Variants in NLRP1 observed in about 807,000 individuals in gnomAD.
NLRP1 encodes NACHT, LRR and PYD domains-containing protein 1.
Under a neutral mutation model 136.7 loss-of-function variants are expected in NLRP1, and 94 were observed. The ratio of observed to expected loss-of-function variants is 0.69; its 90% CI spans 0.58 to 0.82. The LOEUF is 0.82. Among genes scored for constraint, NLRP1 ranks in the 40% least tolerant of loss-of-function variants. NLRP1 has a pLI of 0.00. For missense variants in NLRP1, 1,575 were observed against 1,802.7 expected (o/e 0.87, Z 2.29); for synonymous variants, 690 against 725.1 (o/e 0.95, Z 0.78).
downstream of NLRP1, among the ~76,000 whole-genome samples, chr17:5,513,849 T>C (rs1272685621): frequency 1.3e-5 from 2 of 152,202 alleles, no homozygotes; most frequent in African/African-American, 4.8e-5. Context: ...GAAAGGGACC[T>C]CCGGTTGTCC....
At chr17:5,508,949 T>C (rs1271589131) in intron 15 of NLRP1, among the ~76,000 whole-genome samples, 1 of 152,178 alleles carries the variant, frequency 6.6e-6, no homozygotes, top group African/African-American at 2.4e-5. Context: ...GCCAAAAAAA[T>C]CTAAGTAATG....
At chr17:5,572,019 G>C (rs559084639) in intron 3 of NLRP1, among the ~76,000 whole-genome samples, 1 of 152,068 alleles carries the variant, frequency 6.6e-6, no homozygotes, top group Non-Finnish European at 1.5e-5. Context: ...TATTCAATAC[G>C]TGATGCTGAG....
chr17:5,578,698 T>C (rs1174422234), intron 3 of NLRP1, among the ~76,000 whole-genome samples: 1 of 152,204 alleles, frequency 6.6e-6, no homozygotes, highest in Non-Finnish European at 1.5e-5. Flanking sequence ...TGGAAGACAG[T>C]GTGGCAATTC....
chr17:5,535,876 T>C (rs1910981571), intron 8 of NLRP1, among the ~76,000 whole-genome samples: 1 of 152,200 alleles, frequency 6.6e-6, no homozygotes. Flanking sequence ...GAAGATGGAC[T>C]TTCCTGGCCC....
intron 5 of NLRP1, among the ~76,000 whole-genome samples, chr17:5,542,314 G>A (rs531500317): frequency 4.6e-5 from 7 of 152,220 alleles, no homozygotes; most frequent in Admixed American, 3.9e-4. Context: ...TGGGGACTTG[G>A]ATCCTCATCA....
chr17:5,550,819 C>G (rs1913260623), intron 5 of NLRP1, among the ~76,000 whole-genome samples: 1 of 152,134 alleles, frequency 6.6e-6, no homozygotes, highest in Admixed American at 6.5e-5. Context: ...GTTTAGGTTA[C>G]TTATTTGAGA....
chr17:5,577,421 G>T (rs1905132127), intron 3 of NLRP1, among the ~76,000 whole-genome samples: 1 of 152,170 alleles, frequency 6.6e-6, no homozygotes, highest in Non-Finnish European at 1.5e-5. Flanking sequence ...GAAGTCTCAG[G>T]ATACAAAATC....
intron 13 of NLRP1, 108 bp downstream of exon 13, chr17:5,521,416 G>T (rs1302665505): frequency 5.2e-6 from 6 of 1,163,242 alleles, no homozygotes; most frequent in Non-Finnish European, 7.4e-6. Context: ...TCCTGTACAA[G>T]AGGCCCATCC....
Position 5,533,358 on chromosome 17 carries a change from C to T in NLRP1, c.3079G>A (p.Ala1027Thr). Residue 1027 changes from alanine to threonine, a missense_variant, in exon 10 of 17, where the codon GCT (alanine) becomes ACT (threonine). Transcript: ENST00000572272. The stretch of plus-strand genomic sequence containing the variant: ...CTCACGTCCAGGAGTTTGAGATTAG[C>T]CTGAGCAACATGGGAAGCCGCCCTC... ...SERAASHVAQANLKLLDVSKI... is the reference protein window; with the variant it reads ...SERAASHVAQTNLKLLDVSKI... The T allele has an allele frequency of 7.3e-7, 1 of 1,378,250 alleles. No individual in the cohort carries two copies. Among genetic ancestry groups the T allele is most frequent in the Non-Finnish European group, 1.0e-6 (1 of 988,934 alleles). 85.4% of individuals were successfully genotyped at this position (1,378,250 alleles called of 1,614,324 possible). A position where few individuals can be genotyped will look rare whatever the true frequency, so the allele number is the denominator to read the frequency against.
chr17:5,530,004 G>C, intron 12 of NLRP1: 1 of 456,778 alleles, frequency 2.2e-6, no homozygotes, highest in Admixed American at 2.3e-5. Context: ...GGAAGCCCCT[G>C]TTTCATGGCT....
chr17:5,533,646 C>T (rs1910637966), intron 9 of NLRP1, among the ~76,000 whole-genome samples: 2 of 150,670 alleles, frequency 1.3e-5, no homozygotes, highest in Non-Finnish European at 3.0e-5. Flanking sequence ...GGCCGGACCC[C>T]GGTTCAGGGT....
chr17:5,565,178 CA>C (rs1283579734), intron 3 of NLRP1, among the ~76,000 whole-genome samples: 1 of 152,158 alleles, frequency 6.6e-6, no homozygotes, highest in Non-Finnish European at 1.5e-5. Flanking sequence ...GGATAAAAGC[CA>C]TTTTAGCTGG....
At chr17:5,557,131 A>T (rs553486093) in intron 4 of NLRP1, among the ~76,000 whole-genome samples, 1 of 151,758 alleles carries the variant, frequency 6.6e-6, no homozygotes, top group South Asian at 2.1e-4. Flanking sequence ...AGTCTCCCTA[A>T]TAGCTGGGAT....
At chr17:5,501,828 C>T (rs200802942) in exon 16 of NLRP1, 16 of 1,613,850 alleles carry the variant, frequency 9.9e-6, no homozygotes, top group South Asian at 4.4e-5. Context: ...TATCTCCTGG[C>T]GTCTCTGTTG....
chr17:5,553,497 A>T lies in NLRP1; in HGVS notation c.2417T>A (p.Val806Asp), dbSNP rs1381809100. Residue 806 changes from valine to aspartate, a missense_variant, in exon 5 of 17, where the codon GTC (valine) becomes GAC (aspartate). Val to Asp is a radical substitution (Grantham distance 152, BLOSUM62 -3). Transcript: ENST00000572272. ...YWQILFSVLK[V>D]TRNLKELDLS... ...GTCCAGCTCCTTCAGGTTTCTGGTG[A>T]CCTTGAGGACGGAGAAGAGAATCTG... 8.1e-6 allele frequency: 13 copies of T among 1,614,150 alleles called. No homozygotes were observed. Among genetic ancestry groups the T allele is most frequent in the Non-Finnish European group, 1.1e-5 (13 of 1,180,018 alleles).
intron 5 of NLRP1, among the ~76,000 whole-genome samples, chr17:5,545,030 T>C (rs1013897191): frequency 6.6e-6 from 1 of 152,106 alleles, no homozygotes; most frequent in African/African-American, 2.4e-5. Context: ...CCACTCTCCA[T>C]CCTCTCCAAA....
At chr17:5,507,767 G>T (rs1907421067) in intron 15 of NLRP1, among the ~76,000 whole-genome samples, 1 of 152,174 alleles carries the variant, frequency 6.6e-6, no homozygotes, top group Non-Finnish European at 1.5e-5. Flanking sequence ...GGAGGCGGGG[G>T]TTGTAGTGAG....
At position 5,553,443 on chromosome 17, in the gene NLRP1, G is replaced by A. The variant is rs1029503944; in HGVS notation, c.2471C>T (p.Ala824Val). The A allele has an allele frequency of 1.2e-6, 2 of 1,614,184 alleles. No homozygotes were observed. The highest frequency in any genetic ancestry group is 3.3e-5 in the Admixed American group (2 of 60,020). The change falls in exon 5 of 17, where the codon GCA becomes GTA. Residue 824 changes from alanine to valine, a missense_variant. Transcript: ENST00000572272. ...CAGGGTCTTACAAAGACTCTTCACT[G>A]CAGAGTGGCTCAGCGAGTTTCCACT... is the stretch of plus-strand genomic sequence containing the variant. ...DLSGNSLSHS[A>V]VKSLCKTLRR...
chr17:5,565,733 G>A (rs1024848599), intron 3 of NLRP1, among the ~76,000 whole-genome samples: 1 of 151,970 alleles, frequency 6.6e-6, no homozygotes, highest in African/African-American at 2.4e-5. Context: ...CTATTTTTTC[G>A]GAGTAGTTTC....
Sources: gnomAD v4.1 joint callset for allele counts (sites outside exome capture counted in the v4.1 genomes callset) on GRCh38, gnomAD v4.1.1 for gene constraint, MANE v1.5 for transcripts, NCBI Gene and HGNC (gene_info 2026-07-23, HGNC 2026-07-21) for gene names.